Variants in CREM observed in about 807,000 individuals in gnomAD.
The protein encoded by CREM is cAMP responsive element modulator.
Under a neutral mutation model 37.3 loss-of-function variants are expected in CREM, and 13 were observed. The observed-to-expected ratio is 0.35, with a 90% CI of 0.23 to 0.55. The LOEUF (loss-of-function observed/expected upper bound fraction) is 0.55. Ranked by LOEUF, CREM falls within the 20% of genes least tolerant of loss-of-function variation. The pLI is 0.88. For missense variants in CREM, 296 were observed against 362.3 expected (o/e 0.82, Z 1.49); for synonymous variants, 124 against 120.2 (o/e 1.03, Z -0.21).
At chr10:35,211,200 G>A in intron 7 of CREM, 54 bp from the exon 8 acceptor site, 1 of 1,589,916 alleles carries the variant, frequency 6.3e-7, no homozygotes. Flanking sequence ...CTGACCCACT[G>A]TGGATTGTGT....
At chr10:35,203,618 C>T (rs904438999) in intron 6 of CREM, among the ~76,000 whole-genome samples, 5 of 151,934 alleles carry the variant, frequency 3.3e-5, no homozygotes, top group Non-Finnish European at 5.9e-5. Flanking sequence ...CTTCAACCTG[C>T]GAGGCGGAGG....
chr10:35,163,841 A>G (rs1016353825), intron 3 of CREM, among the ~76,000 whole-genome samples: 4 of 149,364 alleles, frequency 2.7e-5, no homozygotes, highest in Admixed American at 6.6e-5. Context: ...AAAAACAAAC[A>G]AAAAAAAACA....
chr10:35,194,074 G>C (rs1398531896), intron 6 of CREM, among the ~76,000 whole-genome samples: 1 of 129,548 alleles, frequency 7.7e-6, no homozygotes, highest in Non-Finnish European at 1.6e-5. Context: ...TCCAGCCTGG[G>C]GGAGAATAGC....
chr10:35,188,228 G>T lies in CREM; in HGVS notation c.438G>T (p.Gln146His), dbSNP rs530931077. ...CTATAGCCCAAGGTGGAACAATCCA[G>T]ATTTCTAACCCAGGATCTGATGGTG... ...YIAIAQGGTI[Q>H]ISNPGSDGVQ... Residue 146 changes from glutamine (Q) to histidine (H), a missense_variant, in exon 6 of 8, where the codon CAG becomes CAT. Gln to His is a conservative substitution (Grantham distance 24). Transcript: ENST00000685392. 2 of 1,613,882 alleles carry T rather than the reference G, an allele frequency of 1.2e-6. No individual in the cohort carries two copies. Among genetic ancestry groups the T allele is most frequent in the Admixed American group, 3.3e-5 (2 of 59,944 alleles).
Position 35,206,919 on chromosome 10 carries a change from A to G in CREM, c.623A>G (p.Tyr208Cys). ...VQAATGDMPTYQIRAPTAALP... is the reference protein window; with the variant it reads ...VQAATGDMPTCQIRAPTAALP... ...GCTGCCACTGGTGACATGCCAACTTACCAGATCCGAGCTCCTACTGCTGCT... is the reference window on the plus strand; with the variant it reads ...GCTGCCACTGGTGACATGCCAACTTGCCAGATCCGAGCTCCTACTGCTGCT... The change falls in exon 7 of 8, where the codon TAC becomes TGC. Residue 208 changes from tyrosine to cysteine, a missense_variant. Coordinates refer to ENST00000685392, the MANE Select transcript of CREM (RefSeq NM_183011.2). 1 of 1,613,844 alleles carries G rather than the reference A, an allele frequency of 6.2e-7. No homozygotes were observed. The highest frequency in any genetic ancestry group is 1.1e-5 in the South Asian group (1 of 91,070).
intron 3 of CREM, among the ~76,000 whole-genome samples, chr10:35,158,794 T>G (rs12768323): frequency 4.8e-5 from 7 of 145,758 alleles, no homozygotes; most frequent in African/African-American, 1.7e-4. Context: ...GTAGCAAATA[T>G]AGTGTTTTTT....
At chr10:35,175,186 G>T (rs559043204) in intron 3 of CREM, among the ~76,000 whole-genome samples, 1 of 152,294 alleles carries the variant, frequency 6.6e-6, no homozygotes, top group East Asian at 1.9e-4. Context: ...AGTGGCTCAC[G>T]CCTGTAATCC....
chr10:35,167,660 T>G, intron 3 of CREM: 1 of 1,502,958 alleles, frequency 6.7e-7, no homozygotes, highest in South Asian at 1.2e-5. Context: ...CAAATAAGGC[T>G]GTCAATTGCA....
rs1531550 is a variant in CREM at position 35,175,850 on chromosome 10, C to T, written c.169-3039C>T. ...TAATCCTCAATGGTGATCATTTTGG[C>T]AGGTTTCTGTGGCTGGATCAGGCAC... On this transcript the variant is annotated intron_variant, in intron 3 of 7. Coordinates refer to ENST00000685392, the MANE Select transcript of CREM (RefSeq NM_183011.2). The T allele has an allele frequency of 0.17, 272,005 of 1,584,624 alleles. 23,783 individuals are homozygous for T. The highest frequency in any genetic ancestry group is 0.21 in the East Asian group (9,094 of 42,372).
intron 3 of CREM, chr10:35,154,024 T>A: frequency 2.5e-6 from 1 of 398,472 alleles, no homozygotes; most frequent in Non-Finnish European, 4.4e-6. Flanking sequence ...TTCTGATGGC[T>A]TCATATCTTA....
intron 3 of CREM, among the ~76,000 whole-genome samples, chr10:35,149,519 G>A (rs1179365664): frequency 6.6e-6 from 1 of 152,164 alleles, no homozygotes; most frequent in Non-Finnish European, 1.5e-5. Context: ...GCCATGTGGA[G>A]GTGGAATTGA....
chr10:35,183,416 G>A (rs915552039), intron 5 of CREM, among the ~76,000 whole-genome samples: 3 of 152,264 alleles, frequency 2.0e-5, no homozygotes, highest in African/African-American at 7.2e-5. Context: ...TAATAGTGAC[G>A]TTGTTTACAT....
intron 6 of CREM, among the ~76,000 whole-genome samples, chr10:35,189,307 G>A (rs1208537663): frequency 1.3e-5 from 2 of 151,906 alleles, no homozygotes; most frequent in African/African-American, 4.8e-5. Flanking sequence ...AGCTTTTAGG[G>A]TTACCTGAGA....
Position 35,211,946 on chromosome 10 carries a change from G to A in CREM, c.*548G>A, listed in dbSNP as rs889230361. 2.0e-5 allele frequency: 16 copies of A among 810,792 alleles called. No homozygotes were observed. Among genetic ancestry groups the A allele is most frequent in the Admixed American group, 3.6e-5 (1 of 28,168 alleles). 50.2% of individuals were successfully genotyped at this position (810,792 alleles called of 1,614,324 possible). On this transcript the variant is annotated 3_prime_UTR_variant, in exon 8 of 8. Transcript: ENST00000685392. ...CTTAACATTCCTAAAATGCTTCACTGTACGTAGTTAAGTCGTAGCTATAAC... is the reference window on the plus strand; with the variant it reads ...CTTAACATTCCTAAAATGCTTCACTATACGTAGTTAAGTCGTAGCTATAAC...
intron 3 of CREM, among the ~76,000 whole-genome samples, chr10:35,166,085 TAAAA>T (rs747572942): frequency 2.6e-5 from 4 of 151,590 alleles, no homozygotes; most frequent in South Asian, 2.1e-4. Context: ...GCGCTATACA[TAAAA>T]AAAAGGATTG....
intron 6 of CREM, among the ~76,000 whole-genome samples, chr10:35,198,842 A>T (rs781663666): frequency 2.6e-5 from 4 of 152,222 alleles, no homozygotes; most frequent in Non-Finnish European, 4.4e-5. Flanking sequence ...TTGCTTAAAA[A>T]TATTTACATA....
At chr10:35,158,798 G>GTGTTTTTTTTTTTTTTTTTTT (rs2093078412) in intron 3 of CREM, among the ~76,000 whole-genome samples, 1 of 100,840 alleles carries the variant, frequency 9.9e-6, no homozygotes, top group African/African-American at 3.5e-5. Context: ...CAAATATAGT[G>GTGTTTTTTTTTTTTTTTTTTT]TTTTTTTTTT....
At chr10:35,186,779 T>G (rs1390350044) in intron 5 of CREM, among the ~76,000 whole-genome samples, 4 of 128,862 alleles carry the variant, frequency 3.1e-5, no homozygotes, top group Non-Finnish European at 4.7e-5. Context: ...ATATAACAAA[T>G]TATATATAAC....
At chr10:35,160,251 A>G (rs946679912) in intron 3 of CREM, among the ~76,000 whole-genome samples, 9 of 152,242 alleles carry the variant, frequency 5.9e-5, no homozygotes, top group African/African-American at 2.2e-4. Context: ...GGAAAGGTAC[A>G]GTAAAAATAC....
Sources: gnomAD v4.1 joint callset for allele counts (sites outside exome capture counted in the v4.1 genomes callset) on GRCh38, gnomAD v4.1.1 for gene constraint, MANE v1.5 for transcripts, NCBI Gene and HGNC (gene_info 2026-07-23, HGNC 2026-07-21) for gene names.